The following IRAK1 variants were observed in gnomAD, a reference collection of about 807,000 sequenced individuals.
IRAK1 encodes the protein interleukin 1 receptor associated kinase 1, also known as interleukin-1 receptor-associated kinase 1.
A neutral mutation model predicts 49.8 loss-of-function variants in IRAK1; 9 were observed. The observed-to-expected ratio is 0.18, with a 90% confidence interval of 0.11 to 0.32. The LOEUF is 0.32. Ranked by LOEUF, IRAK1 falls within the 10% of genes least tolerant of loss-of-function variation. The pLI is 1.00. For missense variants in IRAK1, 418 were observed against 600.5 expected, an observed-to-expected ratio of 0.70 and a Z score of 3.18; for synonymous variants, 282 against 270.8, an observed-to-expected ratio of 1.04 and a Z score of -0.41.
At chrX:154,018,843 G>T in intron 4 of IRAK1, 56 bp from the exon 5 acceptor site, 1 of 740,388 alleles carries the variant, frequency 1.4e-6, no homozygotes, top group Non-Finnish European at 2.0e-6. Context: ...TTCTGCCCAA[G>T]GCTCCAGGCT....
intron 10 of IRAK1, among the ~76,000 whole-genome samples, chrX:154,015,046 A>C (rs1282631942): frequency 2.7e-5 from 3 of 112,153 alleles, no homozygotes; most frequent in African/African-American, 9.7e-5. Flanking sequence ...CAGTTCTGAA[A>C]TCAGACAGAC....
rs782308632 is a variant in IRAK1 at position 154,011,170 on chromosome X, G to C, written c.*689C>G. 1 of 320,769 alleles carries C rather than the reference G, an allele frequency of 3.1e-6. No individual in the cohort carries two copies. The highest frequency in any genetic ancestry group is 6.2e-6 in the Non-Finnish European group (1 of 162,044). 26.4% of individuals were successfully genotyped at this position (320,769 alleles called of 1,213,427 possible). On this transcript the variant is annotated 3_prime_UTR_variant, in exon 14 of 14. Coordinates refer to ENST00000369980, the MANE Select transcript of IRAK1 (RefSeq NM_001569.4). Reference sequence around the variant, plus strand: ...TACAATCATGACTCACTGCAGCCTCGACCTCCCAAGCATAAATGATCCTCC... The same window carrying C: ...TACAATCATGACTCACTGCAGCCTCCACCTCCCAAGCATAAATGATCCTCC...
In IRAK1 at chrX:154,013,269, T is replaced by G. The variant is rs782722455; in HGVS notation, c.1704A>C (p.Ser568=). The change falls in exon 12 of 14, where the codon TCA becomes TCC. Residue 568 remains serine (S), a synonymous_variant. Transcript: ENST00000369980. ...GCTCTGCTGCCTGGGCACTGGCTCCTGATGGCGCTGCCAGGGGCTGCCATG... is the reference window on the plus strand; with the variant it reads ...GCTCTGCTGCCTGGGCACTGGCTCCGGATGGCGCTGCCAGGGGCTGCCATG... ...AAPWQPLAAP[S]GASAQAAEQL... is the part of the protein sequence containing the mutation. 1 of 1,209,500 alleles carries G rather than the reference T, an allele frequency of 8.3e-7. No individual in the cohort carries two copies. The highest frequency in any genetic ancestry group is 2.2e-5 in the Admixed American group (1 of 46,009).
chrX:154,015,767 G>A (rs1390483363), intron 10 of IRAK1, among the ~76,000 whole-genome samples: 1 of 112,495 alleles, frequency 8.9e-6, no homozygotes, highest in African/African-American at 3.2e-5. Flanking sequence ...TGCAGCTTGG[G>A]TCTCAGTGCC....
chrX:154,019,270 G>C lies in IRAK1; in HGVS notation c.363C>G (p.Ile121Met). Residue 121 changes from isoleucine to methionine, a missense_variant, in exon 3 of 14, where the codon ATC (isoleucine) becomes ATG (methionine). Coordinates refer to ENST00000369980, the MANE Select transcript of IRAK1 (RefSeq NM_001569.4). ...AGGCCTCGGCCTCGGCGGGTGCAGG[G>C]ATGCTGCTGGGCCTCGGGGCAGTGG... ...PGTTAPRPSS[I>M]PAPAEAEAWS... 8.3e-7 allele frequency: 1 copy of C among 1,198,667 alleles called. No homozygotes were observed. Among genetic ancestry groups the C allele is most frequent in the Non-Finnish European group, 1.1e-6 (1 of 888,396 alleles).
chrX:154,015,920 G>T, intron 10 of IRAK1, 112 bp downstream of exon 10: 1 of 626,735 alleles, frequency 1.6e-6, no homozygotes, highest in Non-Finnish European at 2.7e-6. Context: ...AGGCCACTGT[G>T]GCAGCAGAGG....
At chrX:154,012,429 G>T in intron 13 of IRAK1, 100 bp downstream of exon 13, 1 of 986,071 alleles carries the variant, frequency 1.0e-6, no homozygotes, top group Non-Finnish European at 1.4e-6. Flanking sequence ...GGCCTGCCCG[G>T]CTGCCCCACG....
Position 154,014,125 on chromosome X carries a change from G to A in IRAK1, c.1456C>T (p.Pro486Ser). Residue 486 changes from proline to serine, a missense_variant, in exon 11 of 14, where the codon CCA (proline) becomes TCA (serine). Pro to Ser is a moderately conservative substitution (Grantham distance 74, BLOSUM62 -1). Transcript: ENST00000369980. ...KHLDPRPGPCPPELGLGLGQL... is the reference protein window; with the variant it reads ...KHLDPRPGPCSPELGLGLGQL... Reference sequence around the variant, plus strand: ...CCCAGGCCCAGGCCCAGCTCAGGTGGGCAGGGCCCGGGCCTGGGGTCCAGG... The same window carrying A: ...CCCAGGCCCAGGCCCAGCTCAGGTGAGCAGGGCCCGGGCCTGGGGTCCAGG... 2 of 1,206,111 alleles carry A rather than the reference G, an allele frequency of 1.7e-6. No homozygotes were observed. The highest frequency in any genetic ancestry group is 2.2e-6 in the Non-Finnish European group (2 of 893,066).
chrX:154,012,998 A>G (rs1557127917), intron 12 of IRAK1, 45 bp downstream of exon 12: 3 of 1,188,608 alleles, frequency 2.5e-6, no homozygotes. Context: ...GCTTTGGCCC[A>G]AAGAGGCCTT....
At position 154,012,533 on chromosome X, in the gene IRAK1, G is replaced by A. The variant is rs377076994; in HGVS notation, c.2076C>T (p.Leu692=). The A allele has an allele frequency of 3.3e-6, 4 of 1,207,188 alleles. No individual in the cohort carries two copies. The African/African-American group carries it at 5.2e-5, about 16-fold the overall frequency. The change falls in exon 13 of 14, where the codon CTC becomes CTT. Residue 692 remains leucine, a synonymous_variant. Transcript: ENST00000369980. ...GGCCAGCCTGGGCGGCAGCACCTGG[G>A]AGGGAGCTGGACGACAGCAGCTGCA... ...DSLQLLSSSS[L]PGLGLEQDRQ... is the part of the protein sequence containing the mutation.
chrX:154,011,681 C>T lies in IRAK1; in HGVS notation c.*178G>A. 3 of 524,281 alleles carry T rather than the reference C, an allele frequency of 5.7e-6. No individual in the cohort carries two copies. Among genetic ancestry groups the T allele is most frequent in the Non-Finnish European group, 6.9e-6 (2 of 289,002 alleles). The allele number at this position is 524,281 out of a possible 1,213,427, so 43.2% of individuals were successfully genotyped here. A position where few individuals can be genotyped will look rare whatever the true frequency, so the allele number is the denominator to read the frequency against. ...AGATGCTGGCATGGAGGCAGGGTTCCACTCTGCCTGCCTATGCCCACAGAG... is the reference window on the plus strand; with the variant it reads ...AGATGCTGGCATGGAGGCAGGGTTCTACTCTGCCTGCCTATGCCCACAGAG... On this transcript the variant is annotated 3_prime_UTR_variant, in exon 14 of 14. Transcript: ENST00000369980.
chrX:154,019,362 C>A, intron 2 of IRAK1, 34 bp from the exon 3 acceptor site: 1 of 1,143,836 alleles, frequency 8.7e-7, no homozygotes, highest in Non-Finnish European at 1.2e-6. Context: ...AAGGTTGAGG[C>A]CCGGGTGGGG....
intron 13 of IRAK1, 52 bp downstream of exon 13, chrX:154,012,477 G>A: frequency 8.6e-7 from 1 of 1,162,369 alleles, no homozygotes; most frequent in South Asian, 2.0e-5. Context: ...TGCTCTTTGG[G>A]GCTGACACGG....
At position 154,012,465 on chromosome X, in the gene IRAK1, T is replaced by C. The variant is rs782553286; in HGVS notation, c.2080+64A>G. On this transcript the variant is annotated intron_variant, in intron 13 of 13. Transcript: ENST00000369980. The stretch of plus-strand genomic sequence containing the variant: ...CCCTCAGCGCAGTCGGGACAGACAC[T>C]CTGCTCTTTGGGGCTGACACGGATG... The C allele has an allele frequency of 6.1e-6, 7 of 1,140,448 alleles. No individual in the cohort carries two copies. The Middle Eastern group carries it at 1.6e-3, about 260-fold the overall frequency. 94.0% of individuals were successfully genotyped at this position (1,140,448 alleles called of 1,213,427 possible).
In IRAK1 at chrX:154,019,800, G is replaced by C; in HGVS notation, c.13C>G (p.Pro5Ala). 1.1e-6 allele frequency: 1 copy of C among 880,710 alleles called. No individual in the cohort carries two copies. The highest frequency in any genetic ancestry group is 1.4e-6 in the Non-Finnish European group (1 of 719,888). 72.6% of individuals were successfully genotyped at this position (880,710 alleles called of 1,213,427 possible). A position where few individuals can be genotyped will look rare whatever the true frequency, so the allele number is the denominator to read the frequency against. Residue 5 changes from proline (P) to alanine (A), a missense_variant, in exon 1 of 14, where the codon CCG (proline) becomes GCG (alanine). By Grantham distance (27) the Pro-to-Ala change is conservative. Transcript: ENST00000369980. MAGG[P>A]GPGEPAAPGA... ...GGGGCTGCGGGCTCCCCCGGGCCCG[G>C]CCCCCCGGCCATGGCTGCCGCCGCC...
Position 154,014,665 on chromosome X carries a change from G to A in IRAK1, c.1303-387C>T, listed in dbSNP as rs377419027. On this transcript the variant is annotated intron_variant, in intron 10 of 13. Transcript: ENST00000369980. ...CCCGAGCAGCTGGGATTACAGGTGT[G>A]TACCACCATGCCTATCTTGCTATGT... 9.9e-5 allele frequency among the ~76,000 whole-genome samples: 11 copies of A among 111,574 alleles called. No individual in the cohort carries two copies. The East Asian group carries it at 2.3e-3, about 23-fold the overall frequency.
chrX:154,016,614 T>C lies in IRAK1; in HGVS notation c.1059A>G (p.Thr353=), dbSNP rs782207151. The change falls in exon 9 of 14, where the codon ACA becomes ACG. Residue 353 remains threonine, a synonymous_variant. Transcript: ENST00000369980. ...SSNVLLDERL[T]PKLGDFGLAR... The stretch of plus-strand genomic sequence containing the variant: ...CCAGGCCAAAGTCTCCCAGCTTGGG[T>C]GTCAGCCTCTCATCCAGAAGGACGT... 1 of 1,211,282 alleles carries C rather than the reference T, an allele frequency of 8.3e-7. No homozygotes were observed. The highest frequency in any genetic ancestry group is 1.1e-6 in the Non-Finnish European group (1 of 894,784).
chrX:154,018,553 G>T (rs1557130198), intron 5 of IRAK1, 46 bp downstream of exon 5: 2 of 1,052,504 alleles, frequency 1.9e-6, no homozygotes, highest in Non-Finnish European at 2.6e-6. Flanking sequence ...AGTGGTGAGG[G>T]TTATCTGATG....
At position 154,016,759 on chromosome X, in the gene IRAK1, C is replaced by T. The variant is rs781990309; in HGVS notation, c.1029-115G>A. The T allele has an allele frequency of 1.2e-4, 81 of 701,481 alleles. 3 individuals carry two copies. In the Middle Eastern group the frequency reaches 1.9e-3, roughly 16 times the overall value. 57.8% of individuals were successfully genotyped at this position (701,481 alleles called of 1,213,427 possible). A position where few individuals can be genotyped will look rare whatever the true frequency, so the allele number is the denominator to read the frequency against. ...GTGCCTTGCCCACAGAAAGCGCTGG[C>T]ACTGCCCTGAGCGCTCCAGCTGCCT... is the stretch of plus-strand genomic sequence containing the variant. On this transcript the variant is annotated intron_variant, in intron 8 of 13. Transcript: ENST00000369980.
Sources: allele counts gnomAD v4.1 joint callset (sites outside exome capture counted in the v4.1 genomes callset), GRCh38; gene constraint gnomAD v4.1.1; transcripts MANE v1.5; gene names NCBI Gene and HGNC (gene_info 2026-07-23, HGNC 2026-07-21).